The following NALF1 variants were observed in gnomAD, a reference collection of about 807,000 sequenced individuals.
NALF1 encodes family with sequence similarity 155 member A.
A neutral mutation model predicts 48.4 loss-of-function variants in NALF1; 3 were observed. The ratio of observed to expected loss-of-function variants is 0.06; its 90% CI spans 0.03 to 0.16. The LOEUF is 0.16. Ranked by LOEUF, NALF1 falls within the 10% of genes least tolerant of loss-of-function variation. NALF1 has a pLI of 1.00. For missense variants in NALF1, 526 were observed against 571.5 expected (o/e 0.92, Z 0.81); for synonymous variants, 262 against 245.7 (o/e 1.07, Z -0.62).
chr13:107,799,303 C>T (rs1482945334), intron 1 of NALF1, among the ~76,000 whole-genome samples: 2 of 152,180 alleles, frequency 1.3e-5, no homozygotes, highest in Non-Finnish European at 2.9e-5. Flanking sequence ...CTGTTTACAG[C>T]TCCTTTTATG....
intron 1 of NALF1, among the ~76,000 whole-genome samples, chr13:107,575,487 C>A (rs1210376874): frequency 6.6e-6 from 1 of 152,068 alleles, no homozygotes; most frequent in South Asian, 2.1e-4. Context: ...TTCTATACAT[C>A]CTGAAGAGCA....
intron 1 of NALF1, among the ~76,000 whole-genome samples, chr13:107,289,757 T>C (rs1881577337): frequency 6.6e-6 from 1 of 152,186 alleles, no homozygotes; most frequent in South Asian, 2.1e-4. Context: ...CCTGGATGAA[T>C]TCATCACCAA....
intron 1 of NALF1, among the ~76,000 whole-genome samples, chr13:107,454,965 T>C (rs1340010431): frequency 6.6e-6 from 1 of 152,210 alleles, no homozygotes; most frequent in Non-Finnish European, 1.5e-5. Context: ...GGTTCGACTT[T>C]GTGTCCCACC....
intron 1 of NALF1, among the ~76,000 whole-genome samples, chr13:107,353,694 AAATTT>A (rs1478187471): frequency 6.6e-6 from 1 of 152,214 alleles, no homozygotes; most frequent in Non-Finnish European, 1.5e-5. Context: ...GTGAGATAAT[AAATTT>A]GTGTTGTTTT....
chr13:107,792,927 C>T (rs573941833), intron 1 of NALF1, among the ~76,000 whole-genome samples: 1 of 152,278 alleles, frequency 6.6e-6, no homozygotes, highest in East Asian at 1.9e-4. Context: ...CCCGCCTTGG[C>T]CTCCCAAAGC....
At chr13:107,655,957 A>G (rs1459940872) in intron 1 of NALF1, among the ~76,000 whole-genome samples, 4 of 152,138 alleles carry the variant, frequency 2.6e-5, no homozygotes, top group Non-Finnish European at 5.9e-5. Context: ...GGCTAGCCAC[A>G]TGTAAAATAA....
At chr13:107,475,525 G>A (rs1031492050) in intron 1 of NALF1, among the ~76,000 whole-genome samples, 1 of 152,136 alleles carries the variant, frequency 6.6e-6, no homozygotes, top group Non-Finnish European at 1.5e-5. Flanking sequence ...TTATTTGAGG[G>A]AGAAATGTAT....
At chr13:107,836,886 G>A (rs930982168) in intron 1 of NALF1, among the ~76,000 whole-genome samples, 6 of 152,142 alleles carry the variant, frequency 3.9e-5, no homozygotes, top group Admixed American at 2.0e-4. Flanking sequence ...TAGCATTTAC[G>A]TGACGAACAA....
intron 1 of NALF1, among the ~76,000 whole-genome samples, chr13:107,858,279 A>C (rs577315344): frequency 1.3e-5 from 2 of 152,370 alleles, no homozygotes; most frequent in Non-Finnish European, 2.9e-5. Flanking sequence ...AAAATGTATA[A>C]GACAGTTACA....
intron 1 of NALF1, among the ~76,000 whole-genome samples, chr13:107,830,357 C>T (rs757827559): frequency 2.6e-5 from 4 of 152,036 alleles, no homozygotes; most frequent in Non-Finnish European, 5.9e-5. Context: ...TTTTAGGAAC[C>T]ATCATACTGT....
chr13:107,559,738 T>C (rs2138392292), intron 1 of NALF1, among the ~76,000 whole-genome samples: 1 of 152,312 alleles, frequency 6.6e-6, no homozygotes, highest in Admixed American at 6.5e-5. Context: ...GGTTGCTATT[T>C]GAATGTACAC....
intron 1 of NALF1, among the ~76,000 whole-genome samples, chr13:107,444,656 C>T (rs1166428472): frequency 6.6e-6 from 1 of 152,138 alleles, no homozygotes; most frequent in Admixed American, 6.5e-5. Context: ...TATGTTTATA[C>T]AGCTTTTTCC....
Position 107,554,333 on chromosome 13 carries a change from G to A in NALF1, c.915+311349C>T, listed in dbSNP as rs28777730. On this transcript the variant is annotated intron_variant, in intron 1 of 2. Transcript: ENST00000375915. ...CAGTCAAAGGCCAGAAGTCCGGGGG[G>A]AAAAAGCTAGAAGGAAAATACTCCT... is the stretch of plus-strand genomic sequence containing the variant. Among the ~76,000 whole-genome samples, 1,142 of 152,292 alleles carry A rather than the reference G, an allele frequency of 7.5e-3. 6 individuals carry two copies. The highest frequency in any genetic ancestry group is 0.013 in the Non-Finnish European group (880 of 68,024).
chr13:107,787,021 C>T (rs970930282), intron 1 of NALF1, among the ~76,000 whole-genome samples: 5 of 152,128 alleles, frequency 3.3e-5, no homozygotes, highest in Admixed American at 1.3e-4. Flanking sequence ...GTAGATATAC[C>T]TGAGAATGTT....
At chr13:107,468,269 C>A (rs1169235631) in intron 1 of NALF1, among the ~76,000 whole-genome samples, 1 of 152,108 alleles carries the variant, frequency 6.6e-6, no homozygotes, top group African/African-American at 2.4e-5. Flanking sequence ...CTTGTCATTA[C>A]CTAAGGCAAA....
At chr13:107,756,913 T>G (rs1206693624) in intron 1 of NALF1, among the ~76,000 whole-genome samples, 1 of 152,214 alleles carries the variant, frequency 6.6e-6, no homozygotes. Context: ...CATGGATTCA[T>G]GGGTGCATTA....
At chr13:107,790,273 A>G (rs1878192402) in intron 1 of NALF1, among the ~76,000 whole-genome samples, 1 of 152,234 alleles carries the variant, frequency 6.6e-6, no homozygotes, top group Admixed American at 6.5e-5. Flanking sequence ...TAACATGACA[A>G]AAAACATTTA....
Position 107,866,648 on chromosome 13 carries a change from G to T in NALF1, c.-52C>A. The stretch of plus-strand genomic sequence containing the variant: ...ACTCCACCGTGAGGGCGCCTGTGCC[G>T]GTGTCACCACAATATGCATTGACTT... On this transcript the variant is annotated 5_prime_UTR_variant, in exon 1 of 3. Transcript: ENST00000375915. The surrounding 1 kb of genome is among the most constrained non-coding windows in gnomAD (Gnocchi z 4.4). 1 of 1,479,754 alleles carries T rather than the reference G, an allele frequency of 6.8e-7. No homozygotes were observed. Among genetic ancestry groups the T allele is most frequent in the Non-Finnish European group, 9.2e-7 (1 of 1,092,550 alleles). The allele number at this position is 1,479,754 out of a possible 1,614,324, so 91.7% of individuals were successfully genotyped here.
chr13:107,676,272 A>G (rs1429961459), intron 1 of NALF1, among the ~76,000 whole-genome samples: 1 of 152,244 alleles, frequency 6.6e-6, no homozygotes, highest in Non-Finnish European at 1.5e-5. Context: ...ACAGAGTCAT[A>G]TAGACTTAGG....
Sources: gnomAD v4.1 joint callset for allele counts (sites outside exome capture counted in the v4.1 genomes callset) on GRCh38, gnomAD v4.1.1 for gene constraint, Gnocchi (gnomAD v3.1) non-coding constraint, MANE v1.5 for transcripts, NCBI Gene and HGNC (gene_info 2026-07-23, HGNC 2026-07-21) for gene names.